F5: variants seen among roughly 807,000 people sequenced by gnomAD.
F5 encodes the protein coagulation factor V, also known as activated protein c cofactor.
Under a neutral mutation model 216.4 loss-of-function variants are expected in F5, and 138 were observed. The observed-to-expected ratio is 0.64, with a 90% CI of 0.56 to 0.73. The LOEUF (loss-of-function observed/expected upper bound fraction) is 0.73. F5 is among the 30% of genes least tolerant of loss of function. The probability of loss-of-function intolerance (pLI) is 0.00; values close to 1 mark genes in which losing one functional copy is unlikely to be tolerated. For synonymous variants in F5, 916 were observed against 930.7 expected (o/e 0.98, Z 0.29); for missense variants, 2,403 against 2,674.0 (o/e 0.90, Z 2.24).
At chr1:169,546,966 T>TAAAAAAAAAAAAAAAA in intron 10 of F5, among the ~76,000 whole-genome samples, 1 of 129,940 alleles carries the variant, frequency 7.7e-6, no homozygotes, top group African/African-American at 2.9e-5. Flanking sequence ...CCGTCTCTAC[T>TAAAAAAAAAAAAAAAA]AAAAAAAAAA....
intron 5 of F5, 45 bp from the exon 6 acceptor site, chr1:169,556,912 A>G: frequency 1.9e-6 from 3 of 1,546,046 alleles, no homozygotes; most frequent in Non-Finnish European, 2.7e-6. Flanking sequence ...CATTCAGTCA[A>G]GTACTCTGTG....
At chr1:169,585,137 T>C (rs1211077341) in intron 1 of F5, among the ~76,000 whole-genome samples, 1 of 152,220 alleles carries the variant, frequency 6.6e-6, no homozygotes, top group Non-Finnish European at 1.5e-5. Context: ...AGGGTGTGGG[T>C]GTGACCTAGA....
intron 13 of F5, 104 bp downstream of exon 13, chr1:169,540,190 G>A: frequency 7.9e-7 from 1 of 1,260,386 alleles, no homozygotes; most frequent in Non-Finnish European, 1.1e-6. Context: ...GAACCACACT[G>A]TTCTTAGTAT....
chr1:169,540,224 G>T, intron 13 of F5, 70 bp downstream of exon 13: 2 of 1,535,050 alleles, frequency 1.3e-6, no homozygotes, highest in Admixed American at 1.7e-5. Context: ...TTATCCCCCT[G>T]AATTGTAGTA....
intron 14 of F5, among the ~76,000 whole-genome samples, chr1:169,535,956 G>T (rs1659695027): frequency 6.6e-6 from 1 of 152,108 alleles, no homozygotes; most frequent in African/African-American, 2.4e-5. Context: ...AGTAAACTTT[G>T]TTATAAAAGC....
At chr1:169,552,756 AT>A in intron 7 of F5, 22 bp from the exon 8 acceptor site, 15 of 1,562,828 alleles carry the variant, frequency 9.6e-6, no homozygotes, top group Non-Finnish European at 1.3e-5. Context: ...GTAAAAAAAA[AT>A]TAAACCACTT....
intron 11 of F5, among the ~76,000 whole-genome samples, chr1:169,545,382 T>C (rs1307928868): frequency 6.6e-6 from 1 of 152,196 alleles, no homozygotes; most frequent in East Asian, 1.9e-4. Flanking sequence ...TTTCAAAGAC[T>C]TAGTAATAAA....
chr1:169,567,392 A>AAAG (rs139303643), intron 3 of F5, among the ~76,000 whole-genome samples: 1 of 151,454 alleles, frequency 6.6e-6, no homozygotes, highest in African/African-American at 2.4e-5. Context: ...ATAAAAAAAA[A>AAAG]TCTCCCAAAG....
intron 7 of F5, among the ~76,000 whole-genome samples, chr1:169,554,319 C>T (rs1051867593): frequency 2.2e-4 from 34 of 152,180 alleles, no homozygotes; most frequent in African/African-American, 8.2e-4. Context: ...TATACTACAT[C>T]CCAGCTTTTT....
At chr1:169,570,023 A>C (rs549216233) in intron 3 of F5, among the ~76,000 whole-genome samples, 1 of 152,178 alleles carries the variant, frequency 6.6e-6, no homozygotes, top group East Asian at 1.9e-4. Flanking sequence ...TTTTACCATA[A>C]AAGATACTAT....
At chr1:169,576,318 G>C (rs932154060) in intron 2 of F5, among the ~76,000 whole-genome samples, 1 of 152,202 alleles carries the variant, frequency 6.6e-6, no homozygotes, top group Non-Finnish European at 1.5e-5. Context: ...GCCACCCACG[G>C]TTGTCCTATT....
intron 3 of F5, among the ~76,000 whole-genome samples, chr1:169,564,783 T>G (rs1392395353): frequency 6.6e-6 from 1 of 152,070 alleles, no homozygotes; most frequent in Non-Finnish European, 1.5e-5. Flanking sequence ...AGCATATGTT[T>G]GGATTCTCCA....
intron 14 of F5, among the ~76,000 whole-genome samples, chr1:169,534,357 A>T (rs892180621): frequency 6.6e-6 from 1 of 152,172 alleles, no homozygotes; most frequent in African/African-American, 2.4e-5. Context: ...ATTACTGGGT[A>T]TATAGCCAAA....
In F5 at chr1:169,541,870, T is replaced by C. The variant is rs369568295; in HGVS notation, c.3220A>G (p.Asn1074Asp). The change falls in exon 13 of 25, where the codon AAT becomes GAT. Residue 1074 changes from asparagine (N) to aspartate (D), a missense_variant. Asn to Asp is a conservative substitution (Grantham distance 23, BLOSUM62 1). Coordinates refer to ENST00000367797, the MANE Select transcript of F5 (RefSeq NM_000130.5). ...LKHSLVLHKS[N>D]ETSLPTDLNQ... Reference sequence around the variant, plus strand: ...AGGTCTGTGGGAAGAGATGTTTCATTGGATTTATGAAGCACCAACGAATGC... The same window carrying C: ...AGGTCTGTGGGAAGAGATGTTTCATCGGATTTATGAAGCACCAACGAATGC... The C allele has an allele frequency of 4.5e-5, 72 of 1,613,988 alleles. No homozygotes were observed. Among genetic ancestry groups the C allele is most frequent in the Non-Finnish European group, 5.8e-5 (68 of 1,179,980 alleles).
At chr1:169,523,462 G>T in intron 20 of F5, 110 bp from the exon 21 acceptor site, 1 of 1,296,250 alleles carries the variant, frequency 7.7e-7, no homozygotes, top group Non-Finnish European at 1.1e-6. Context: ...TAGCACATAA[G>T]ATCTTAGCAA....
chr1:169,552,516 C>T (rs765611434), intron 8 of F5, 41 bp downstream of exon 8: 9 of 1,527,844 alleles, frequency 5.9e-6, no homozygotes, highest in Admixed American at 1.7e-5. Context: ...TAATATTTTA[C>T]TATGTAATTT....
intron 3 of F5, 102 bp downstream of exon 3, chr1:169,572,119 T>A (rs1454735173): frequency 1.6e-6 from 2 of 1,247,900 alleles, no homozygotes; most frequent in African/African-American, 3.0e-5. Context: ...TGCAAGAGAT[T>A]TCCCTAACAA....
chr1:169,522,047 A>G (rs1315008522), intron 21 of F5, among the ~76,000 whole-genome samples: 1 of 152,202 alleles, frequency 6.6e-6, no homozygotes, highest in Non-Finnish European at 1.5e-5. Context: ...AAGGGAATAT[A>G]CAAACAACTC....
At chr1:169,567,822 T>G (rs1462478945) in intron 3 of F5, among the ~76,000 whole-genome samples, 1 of 152,094 alleles carries the variant, frequency 6.6e-6, no homozygotes, top group Non-Finnish European at 1.5e-5. Context: ...AGGGTACATG[T>G]TGGTGCCCTA....
Sources: gnomAD v4.1 joint callset for allele counts (sites outside exome capture counted in the v4.1 genomes callset) on GRCh38, gnomAD v4.1.1 for gene constraint, MANE v1.5 for transcripts, NCBI Gene and HGNC (gene_info 2026-07-23, HGNC 2026-07-21) for gene names.